The following INSR variants were observed in gnomAD, a reference collection of about 807,000 sequenced individuals.
The protein encoded by INSR is insulin receptor.
A neutral mutation model predicts 142.6 loss-of-function variants in INSR; 67 were observed. That is an observed-to-expected ratio of 0.47 (90% CI 0.39 to 0.58). The LOEUF (loss-of-function observed/expected upper bound fraction) is 0.58. INSR is among the 20% of genes least tolerant of loss of function. INSR has a pLI of 0.00. For missense variants in INSR, 1,248 were observed against 1,833.2 expected, an observed-to-expected ratio of 0.68 and a Z score of 5.83; for synonymous variants, 756 against 743.1, an observed-to-expected ratio of 1.02 and a Z score of -0.28.
chr19:7,213,542 A>C (rs1181730236), intron 2 of INSR, among the ~76,000 whole-genome samples: 2 of 152,180 alleles, frequency 1.3e-5, no homozygotes, highest in Admixed American at 1.3e-4. Context: ...TTTATGCAAC[A>C]AAGGTTGCAA....
intron 2 of INSR, among the ~76,000 whole-genome samples, chr19:7,236,175 T>TG (rs55904843): frequency 0.46 from 69,719 of 151,484 alleles, 16,746 homozygotes; most frequent in African/African-American, 0.55. Context: ...TTGGCCAGGC[T>TG]GGTCTTGAAC....
chr19:7,241,434 C>A (rs1334338718), intron 2 of INSR, among the ~76,000 whole-genome samples: 1 of 151,932 alleles, frequency 6.6e-6, no homozygotes, highest in Non-Finnish European at 1.5e-5. Flanking sequence ...GACCAGCCTG[C>A]CAACATGGTG....
chr19:7,173,747 G>A (rs1307908055), intron 4 of INSR, among the ~76,000 whole-genome samples: 6 of 150,084 alleles, frequency 4.0e-5, no homozygotes, highest in Non-Finnish European at 7.4e-5. Context: ...AGCCTCCTGC[G>A]TAGCTGGGAT....
intron 2 of INSR, among the ~76,000 whole-genome samples, chr19:7,210,921 G>A (rs1016678846): frequency 4.6e-5 from 7 of 151,994 alleles, no homozygotes; most frequent in African/African-American, 1.7e-4. Context: ...GTAGAGACAG[G>A]GTTTCACCAT....
intron 2 of INSR, among the ~76,000 whole-genome samples, chr19:7,202,996 G>GTTTTTTTTTTTTTTTT (rs371572449): frequency 1.5e-5 from 1 of 67,772 alleles, no homozygotes; most frequent in African/African-American, 3.8e-5. Context: ...GGGTTTTGTT[G>GTTTTTTTTTTTTTTTT]TTTTTTTTTT....
chr19:7,184,138 C>T (rs140900683), intron 3 of INSR, among the ~76,000 whole-genome samples, 178 bp downstream of exon 3: 249 of 150,866 alleles, frequency 1.7e-3, no homozygotes, highest in African/African-American at 5.8e-3. Context: ...AGGTAGTCAA[C>T]TCCCACTCCC....
At chr19:7,204,678 T>C (rs544624068) in intron 2 of INSR, among the ~76,000 whole-genome samples, 143 of 151,900 alleles carry the variant, frequency 9.4e-4, no homozygotes, top group African/African-American at 3.2e-3. Context: ...CAGTTCTACC[T>C]GGATTTATGC....
chr19:7,122,841 C>T, intron 18 of INSR, 38 bp downstream of exon 18: 2 of 1,610,766 alleles, frequency 1.2e-6, no homozygotes, highest in Admixed American at 1.7e-5. Flanking sequence ...AGCGGGTGCT[C>T]CACCGAGTAC....
chr19:7,138,071 C>T (rs977497874), intron 13 of INSR, among the ~76,000 whole-genome samples: 1 of 150,848 alleles, frequency 6.6e-6, no homozygotes, highest in Non-Finnish European at 1.5e-5. Context: ...TCACGCCATT[C>T]TCCTGCCTCA....
rs564334105 is a variant in INSR, at chr19:7,218,034, G to T, written c.653-33397C>A. On this transcript the variant is annotated intron_variant, in intron 2 of 21. Transcript: ENST00000302850. ...GAGCTGTCTCCACTGTGGGAGGATG[G>T]GATGGTGACGGAGATAGAAGAGTCC... Among the ~76,000 whole-genome samples, 2 of 152,328 alleles carry T rather than the reference G, an allele frequency of 1.3e-5. 1 individual carries two copies. Among genetic ancestry groups the T allele is most frequent in the Middle Eastern group, 6.8e-3 (2 of 294 alleles).
chr19:7,241,626 A>C (rs964478662), intron 2 of INSR, among the ~76,000 whole-genome samples: 2 of 152,106 alleles, frequency 1.3e-5, no homozygotes, highest in Non-Finnish European at 2.9e-5. Context: ...TCTCAAAAAT[A>C]ATAAAATAAA....
chr19:7,256,711 G>A (rs1178172305), intron 2 of INSR, among the ~76,000 whole-genome samples: 1 of 151,804 alleles, frequency 6.6e-6, no homozygotes, highest in Non-Finnish European at 1.5e-5. Context: ...GGACAACAGA[G>A]TTGAGACCCT....
At chr19:7,249,764 G>A (rs1363278234) in intron 2 of INSR, among the ~76,000 whole-genome samples, 1 of 152,130 alleles carries the variant, frequency 6.6e-6, no homozygotes, top group Non-Finnish European at 1.5e-5. Context: ...AGGCCAAGGA[G>A]GGTGGATCAC....
At chr19:7,219,518 A>AGGGAGGGAGG (rs1224264275) in intron 2 of INSR, among the ~76,000 whole-genome samples, 1 of 127,604 alleles carries the variant, frequency 7.8e-6, no homozygotes. Context: ...GGAACGAAGG[A>AGGGAGGGAGG]AAGAAGGAAG....
rs138309271 is a variant in INSR, at chr19:7,168,438, G to A, written c.1484-344C>T. On this transcript the variant is annotated intron_variant, in intron 6 of 21. Transcript: ENST00000302850. This position sits in a 1 kb window ranked among gnomAD's most constrained non-coding sequence, Gnocchi z 4.3. ...AGGGTGATGTTTGTCCTGACACAAC[G>A]TTGTCTCGCATATGGACTTGTAAGA... is the stretch of plus-strand genomic sequence containing the variant. Among the ~76,000 whole-genome samples the A allele has an allele frequency of 5.4e-3, 830 of 152,304 alleles. 16 individuals carry two copies. Among genetic ancestry groups the A allele is most frequent in the African/African-American group, 0.019 (793 of 41,562 alleles).
chr19:7,183,376 C>G (rs1311742011), intron 3 of INSR, among the ~76,000 whole-genome samples: 1 of 151,940 alleles, frequency 6.6e-6, no homozygotes, highest in African/African-American at 2.4e-5. Context: ...CCCAAAATAG[C>G]TCATGGAAGA....
At chr19:7,194,431 A>AG (rs201634190) in intron 2 of INSR, among the ~76,000 whole-genome samples, 27 of 151,290 alleles carry the variant, frequency 1.8e-4, no homozygotes, top group African/African-American at 6.1e-4. Flanking sequence ...AAAGAAAAAA[A>AG]AATTATCTTT....
intron 2 of INSR, 25 bp from the exon 3 acceptor site, chr19:7,184,662 G>GAGA: frequency 1.0e-6 from 1 of 982,318 alleles, no homozygotes; most frequent in African/African-American, 2.6e-5. Context: ...AGAGAGAGAG[G>GAGA]GAAATAAATA....
chr19:7,206,821 G>A (rs1340409969), intron 2 of INSR, among the ~76,000 whole-genome samples: 2 of 152,076 alleles, frequency 1.3e-5, no homozygotes, highest in South Asian at 2.1e-4. Flanking sequence ...CGGGTGACAC[G>A]CTGTTTTTCT....
Sources: allele counts gnomAD v4.1 joint callset (sites outside exome capture counted in the v4.1 genomes callset), GRCh38; gene constraint gnomAD v4.1.1; non-coding constraint Gnocchi (gnomAD v3.1); transcripts MANE v1.5; gene names NCBI Gene and HGNC (gene_info 2026-07-23, HGNC 2026-07-21).